The following AMER2 variants were observed in gnomAD, a reference collection of about 807,000 sequenced individuals.
AMER2 encodes family with sequence similarity 123A.
Under a neutral mutation model 4.7 loss-of-function variants are expected in AMER2, and 1 was observed. That is an observed-to-expected ratio of 0.21 (90% CI 0.07 to 1.00). AMER2 has a LOEUF of 1.00. Among genes scored for constraint, AMER2 ranks in the 50% least tolerant of loss-of-function variants. The probability of loss-of-function intolerance (pLI) is 0.60; values close to 1 mark genes in which losing one functional copy is unlikely to be tolerated. For missense variants in AMER2, 988 were observed against 966.9 expected, an observed-to-expected ratio of 1.02 and a Z score of -0.29; for synonymous variants, 485 against 433.3, an observed-to-expected ratio of 1.12 and a Z score of -1.48.
chr13:25,171,399 C>T lies in AMER2; in HGVS notation c.221G>A (p.Arg74Lys), dbSNP rs1348276482. 1.2e-6 allele frequency: 2 copies of T among 1,613,122 alleles called. No homozygotes were observed. The highest frequency in any genetic ancestry group is 1.6e-4 in the Middle Eastern group (1 of 6,076). Residue 74 changes from arginine (R) to lysine (K), a missense_variant, in exon 1 of 1, where the codon AGG becomes AAG. Arg to Lys is a conservative substitution (Grantham distance 26). Transcript: ENST00000515384. The surrounding 1 kb of genome is among the most constrained non-coding windows in gnomAD (Gnocchi z 5.9). Reference protein sequence around the residue: ...NKAAFKLFKKRKSGGTMPSIF... With the variant: ...NKAAFKLFKKKKSGGTMPSIF... ...GCTGGGCATGGTGCCACCCGATTTCCTCTTCTTGAATAATTTGAAGGCAGC... is the reference window on the plus strand; with the variant it reads ...GCTGGGCATGGTGCCACCCGATTTCTTCTTCTTGAATAATTTGAAGGCAGC...
In AMER2 at chr13:25,171,555, G is replaced by A; in HGVS notation, c.65C>T (p.Ser22Phe). The part of the protein sequence containing the change: ...AVSERGGAGA[S>F]VGVCRRKAEA... ...CGCCTTCCTCCTGCAGACCCCCACG[G>A]ACGCGCCAGCTCCGCCGCGCTCGCT... is the stretch of plus-strand genomic sequence containing the variant. Residue 22 changes from serine (S) to phenylalanine (F), a missense_variant, in exon 1 of 1, where the codon TCC becomes TTC. Coordinates refer to ENST00000515384, the MANE Select transcript of AMER2 (RefSeq NM_152704.4). The surrounding 1 kb of genome is among the most constrained non-coding windows in gnomAD (Gnocchi z 5.9). 1 of 1,574,090 alleles carries A rather than the reference G, an allele frequency of 6.4e-7. No individual in the cohort carries two copies. The highest frequency in any genetic ancestry group is 8.6e-7 in the Non-Finnish European group (1 of 1,168,396).
rs1203159816 is a variant in AMER2 at position 25,164,830 on chromosome 13, C to G, written c.*4774G>C. ...ATAGTGCCCTTCTTCAACTTCACAC[C>G]ACTTTGCTTCACCCCACAAACTATA... is the stretch of plus-strand genomic sequence containing the variant. On this transcript the variant is annotated 3_prime_UTR_variant, in exon 1 of 1. Coordinates refer to ENST00000515384, the MANE Select transcript of AMER2 (RefSeq NM_152704.4). 1 of 152,264 alleles carries G rather than the reference C, an allele frequency of 6.6e-6. No individual in the cohort carries two copies. The highest frequency in any genetic ancestry group is 3.4e-3 in the Middle Eastern group (1 of 294). The allele number at this position is 152,264 out of a possible 1,614,324, so 9.4% of individuals were successfully genotyped here.
At position 25,170,071 on chromosome 13, in the gene AMER2, C is replaced by T. The variant is rs1956535197; in HGVS notation, c.1549G>A (p.Val517Ile). The change falls in exon 1 of 1, where the codon GTC becomes ATC. Residue 517 changes from valine (V) to isoleucine (I), a missense_variant. Val to Ile is a conservative substitution (Grantham distance 29). Coordinates refer to ENST00000515384, the MANE Select transcript of AMER2 (RefSeq NM_152704.4). This position sits in a 1 kb window ranked among gnomAD's most constrained non-coding sequence, Gnocchi z 7.3. The part of the protein sequence containing the change: ...KHPEKEQQEG[V>I]PNSDEGYWDS... The stretch of plus-strand genomic sequence containing the variant: ...CAGTAGCCCTCGTCGCTGTTGGGGA[C>T]GCCTTCCTGCTGCTCCTTCTCCGGG... The T allele has an allele frequency of 6.2e-7, 1 of 1,613,958 alleles. No homozygotes were observed. The highest frequency in any genetic ancestry group is 1.6e-4 in the Middle Eastern group (1 of 6,062).
At position 25,168,400 on chromosome 13, in the gene AMER2, T is replaced by C. The variant is rs971659198; in HGVS notation, c.*1204A>G. ...ATTTTGCACTCATTATATTGAGGAA[T>C]GGTTGGATCTGAAATTTTACAATCA... On this transcript the variant is annotated 3_prime_UTR_variant, in exon 1 of 1. Transcript: ENST00000515384. 2.0e-5 allele frequency: 3 copies of C among 152,146 alleles called. No individual in the cohort carries two copies. Among genetic ancestry groups the C allele is most frequent in the Non-Finnish European group, 4.4e-5 (3 of 68,024 alleles). 9.4% of individuals were successfully genotyped at this position (152,146 alleles called of 1,614,324 possible).
rs2137428679 is a variant in AMER2, at chr13:25,163,229, A to G, written c.*6375T>C. On this transcript the variant is annotated 3_prime_UTR_variant, in exon 1 of 1. Transcript: ENST00000515384. ...GCACCATTGGTAAGTATGTAAACAG[A>G]TGCAACCACTGTGGAAAGCAGCACA... 1 of 152,386 alleles carries G rather than the reference A, an allele frequency of 6.6e-6. No homozygotes were observed. The highest frequency in any genetic ancestry group is 1.9e-4 in the East Asian group (1 of 5,192). 9.4% of individuals were successfully genotyped at this position (152,386 alleles called of 1,614,324 possible).
Position 25,171,061 on chromosome 13 carries a change from C to A in AMER2, c.559G>T (p.Gly187Cys), listed in dbSNP as rs771743844. The A allele has an allele frequency of 1.3e-6, 2 of 1,577,750 alleles. No individual in the cohort carries two copies. The highest frequency in any genetic ancestry group is 2.8e-5 in the African/African-American group (2 of 71,424). ...KGEPVDASKA[G>C]GKQKRGLRGL... Reference sequence around the variant, plus strand: ...CGCAGCCCCCGCTTTTGTTTGCCGCCGGCCTTGCTCGCGTCCACAGGCTCT... The same window carrying A: ...CGCAGCCCCCGCTTTTGTTTGCCGCAGGCCTTGCTCGCGTCCACAGGCTCT... The change falls in exon 1 of 1, where the codon GGC becomes TGC. Residue 187 changes from glycine (G) to cysteine (C), a missense_variant. By Grantham distance (159) the Gly-to-Cys change is radical. Coordinates refer to ENST00000515384, the MANE Select transcript of AMER2 (RefSeq NM_152704.4). The surrounding 1 kb of genome is among the most constrained non-coding windows in gnomAD (Gnocchi z 5.9).
Position 25,168,428 on chromosome 13 carries a change from G to T in AMER2, c.*1176C>A, listed in dbSNP as rs890839438. 6.6e-6 allele frequency: 1 copy of T among 151,612 alleles called. No homozygotes were observed. The highest frequency in any genetic ancestry group is 2.4e-5 in the African/African-American group (1 of 41,244). The allele number at this position is 151,612 out of a possible 1,614,324, so 9.4% of individuals were successfully genotyped here. ...TTGGATCTGAAATTTTACAATCAAG[G>T]TAAAAAAAAATCTGAAAACAGGGTT... On this transcript the variant is annotated 3_prime_UTR_variant, in exon 1 of 1. Coordinates refer to ENST00000515384, the MANE Select transcript of AMER2 (RefSeq NM_152704.4).
Position 25,171,308 on chromosome 13 carries a change from C to G in AMER2, c.312G>C (p.Arg104Ser). The change falls in exon 1 of 1, where the codon AGG becomes AGC. Residue 104 changes from arginine to serine, a missense_variant. By Grantham distance (110) the Arg-to-Ser change is moderately radical. Coordinates refer to ENST00000515384, the MANE Select transcript of AMER2 (RefSeq NM_152704.4). This position sits in a 1 kb window ranked among gnomAD's most constrained non-coding sequence, Gnocchi z 5.9. ...SSGPTGLVRS[R>S]THDGLAEVLV... ...GCACCTCGGCAAGTCCGTCGTGGGT[C>G]CTGCTCCTCACCAGCCCCGTCGGAC... The G allele has an allele frequency of 6.2e-7, 1 of 1,604,328 alleles. No homozygotes were observed. Among genetic ancestry groups the G allele is most frequent in the South Asian group, 1.1e-5 (1 of 89,296 alleles).
rs761781237 is a variant in AMER2 at position 25,171,503 on chromosome 13, G to C, written c.117C>G (p.Leu39=). The change falls in exon 1 of 1, where the codon CTC becomes CTG. Residue 39 remains leucine, a synonymous_variant. Coordinates refer to ENST00000515384, the MANE Select transcript of AMER2 (RefSeq NM_152704.4). The surrounding 1 kb of genome is among the most constrained non-coding windows in gnomAD (Gnocchi z 5.9). ...KAEAGAGTGT[L]AADMDLHCDC... ...CACAATGCAAGTCCATGTCTGCCGCGAGGGTCCCGGTCCCGGCCCCGGCCT... is the reference window on the plus strand; with the variant it reads ...CACAATGCAAGTCCATGTCTGCCGCCAGGGTCCCGGTCCCGGCCCCGGCCT... The C allele has an allele frequency of 6.9e-6, 11 of 1,603,802 alleles. No homozygotes were observed. In the Admixed American group the frequency reaches 1.7e-4, roughly 25 times the overall value.
In AMER2 at chr13:25,169,363, G is replaced by A. The variant is rs548725531; in HGVS notation, c.*241C>T. ...AAAGGTAAAAAAGAAAAAAGTGCTT[G>A]AAAATAATTCTCAGGGACTTATCTT... On this transcript the variant is annotated 3_prime_UTR_variant, in exon 1 of 1. Transcript: ENST00000515384. The surrounding 1 kb of genome is among the most constrained non-coding windows in gnomAD (Gnocchi z 4.2). The A allele has an allele frequency of 8.2e-4, 344 of 421,040 alleles. 1 individual carries two copies. The highest frequency in any genetic ancestry group is 1.3e-3 in the Non-Finnish European group (307 of 245,090). 26.1% of individuals were successfully genotyped at this position (421,040 alleles called of 1,614,324 possible). A position where few individuals can be genotyped will look rare whatever the true frequency, so the allele number is the denominator to read the frequency against.
At position 25,169,113 on chromosome 13, in the gene AMER2, T is replaced by G. The variant is rs906615995; in HGVS notation, c.*491A>C. 5.9e-5 allele frequency: 9 copies of G among 152,830 alleles called. No individual in the cohort carries two copies. The highest frequency in any genetic ancestry group is 4.2e-4 in the South Asian group (2 of 4,814). 9.5% of individuals were successfully genotyped at this position (152,830 alleles called of 1,614,324 possible). A position where few individuals can be genotyped will look rare whatever the true frequency, so the allele number is the denominator to read the frequency against. On this transcript the variant is annotated 3_prime_UTR_variant, in exon 1 of 1. Coordinates refer to ENST00000515384, the MANE Select transcript of AMER2 (RefSeq NM_152704.4). This position sits in a 1 kb window ranked among gnomAD's most constrained non-coding sequence, Gnocchi z 4.2. ...GGGTTTTGTTTTTGTTTTTGTTTTTTTTTAACTGGAAAGGAAAGAGGAAAG... is the reference window on the plus strand; with the variant it reads ...GGGTTTTGTTTTTGTTTTTGTTTTTGTTTAACTGGAAAGGAAAGAGGAAAG...
chr13:25,170,796 C>T lies in AMER2; in HGVS notation c.824G>A (p.Arg275His), dbSNP rs1956553812. ...GGEEVPAPAD[R>H]APARSCREAE... ...CTCTCGGCAGCTCCGCGCTGGGGCGCGGTCGGCGGGGGCGGGCACCTCCTC... is the reference window on the plus strand; with the variant it reads ...CTCTCGGCAGCTCCGCGCTGGGGCGTGGTCGGCGGGGGCGGGCACCTCCTC... The change falls in exon 1 of 1, where the codon CGC becomes CAC. Residue 275 changes from arginine to histidine, a missense_variant. Coordinates refer to ENST00000515384, the MANE Select transcript of AMER2 (RefSeq NM_152704.4). This position sits in a 1 kb window ranked among gnomAD's most constrained non-coding sequence, Gnocchi z 7.3. 1.5e-6 allele frequency: 2 copies of T among 1,366,020 alleles called. No individual in the cohort carries two copies. The highest frequency in any genetic ancestry group is 1.9e-6 in the Non-Finnish European group (2 of 1,068,552). 84.6% of individuals were successfully genotyped at this position (1,366,020 alleles called of 1,614,324 possible).
At position 25,170,169 on chromosome 13, in the gene AMER2, T is replaced by C. The variant is rs1956538083; in HGVS notation, c.1451A>G (p.Asp484Gly). The C allele has an allele frequency of 5.0e-6, 8 of 1,613,650 alleles. No individual in the cohort carries two copies. The East Asian group carries it at 1.8e-4, about 36-fold the overall frequency. The change falls in exon 1 of 1, where the codon GAC becomes GGC. Residue 484 changes from aspartate (D) to glycine (G), a missense_variant. Coordinates refer to ENST00000515384, the MANE Select transcript of AMER2 (RefSeq NM_152704.4). This position sits in a 1 kb window ranked among gnomAD's most constrained non-coding sequence, Gnocchi z 7.3. Reference protein sequence around the residue: ...KDTRCVEAAKDASSVKRRRLN... With the variant: ...KDTRCVEAAKGASSVKRRRLN... Reference sequence around the variant, plus strand: ...CCTCCTGCGCTTGACCGAGGACGCGTCCTTGGCCGCTTCCACACACCTGGT... The same window carrying C: ...CCTCCTGCGCTTGACCGAGGACGCGCCCTTGGCCGCTTCCACACACCTGGT...
chr13:25,166,416 G>C lies in AMER2; in HGVS notation c.*3188C>G, dbSNP rs1254969983. The C allele has an allele frequency of 2.6e-5, 4 of 152,128 alleles. No homozygotes were observed. The highest frequency in any genetic ancestry group is 2.6e-4 in the Admixed American group (4 of 15,268). The allele number at this position is 152,128 out of a possible 1,614,324, so 9.4% of individuals were successfully genotyped here. ...AATTGGTGCTAATGGCAGGATAAAC[G>C]CATCAACCACCATCTGTACTAAAGC... On this transcript the variant is annotated 3_prime_UTR_variant, in exon 1 of 1. Coordinates refer to ENST00000515384, the MANE Select transcript of AMER2 (RefSeq NM_152704.4).
chr13:25,171,872 G>T lies in AMER2; in HGVS notation c.-253C>A. 1 of 583,062 alleles carries T rather than the reference G, an allele frequency of 1.7e-6. No individual in the cohort carries two copies. The highest frequency in any genetic ancestry group is 2.6e-6 in the Non-Finnish European group (1 of 390,312). 36.1% of individuals were successfully genotyped at this position (583,062 alleles called of 1,614,324 possible). On this transcript the variant is annotated 5_prime_UTR_variant, in exon 1 of 1. Transcript: ENST00000515384. The surrounding 1 kb of genome is among the most constrained non-coding windows in gnomAD (Gnocchi z 5.9). ...CCGCGAGCTGATTGCAGAAATTCGA[G>T]TCGTAATTATGGAATTCAAATTCCC...
At position 25,165,469 on chromosome 13, in the gene AMER2, A is replaced by C. The variant is rs965518989; in HGVS notation, c.*4135T>G. The C allele has an allele frequency of 8.5e-5, 13 of 152,354 alleles. No individual in the cohort carries two copies. Among genetic ancestry groups the C allele is most frequent in the African/African-American group, 2.4e-4 (10 of 41,580 alleles). 9.4% of individuals were successfully genotyped at this position (152,354 alleles called of 1,614,324 possible). On this transcript the variant is annotated 3_prime_UTR_variant, in exon 1 of 1. Coordinates refer to ENST00000515384, the MANE Select transcript of AMER2 (RefSeq NM_152704.4). ...CCCTTTGGTTCCAAACTGCTTCATA[A>C]ATATTTTTGTGTGTAATGAATTGAA...
In AMER2 at chr13:25,171,329, C is replaced by G; in HGVS notation, c.291G>C (p.Pro97=). 6.2e-7 allele frequency: 1 copy of G among 1,609,024 alleles called. No individual in the cohort carries two copies. The change falls in exon 1 of 1, where the codon CCG becomes CCC. Residue 97 remains proline, a synonymous_variant. Coordinates refer to ENST00000515384, the MANE Select transcript of AMER2 (RefSeq NM_152704.4). The surrounding 1 kb of genome is among the most constrained non-coding windows in gnomAD (Gnocchi z 5.9). ...GGGTCCTGCTCCTCACCAGCCCCGTCGGACCCGAGCTTTTCCCGTCCCCTT... is the reference window on the plus strand; with the variant it reads ...GGGTCCTGCTCCTCACCAGCCCCGTGGGACCCGAGCTTTTCCCGTCCCCTT... ...KNKGDGKSSG[P]TGLVRSRTHD...
In AMER2 at chr13:25,168,393, T is replaced by C. The variant is rs1419877959; in HGVS notation, c.*1211A>G. On this transcript the variant is annotated 3_prime_UTR_variant, in exon 1 of 1. Transcript: ENST00000515384. ...GTTCCTCATTTTGCACTCATTATATTGAGGAATGGTTGGATCTGAAATTTT... is the reference window on the plus strand; with the variant it reads ...GTTCCTCATTTTGCACTCATTATATCGAGGAATGGTTGGATCTGAAATTTT... The C allele has an allele frequency of 6.6e-6, 1 of 152,156 alleles. No homozygotes were observed. Among genetic ancestry groups the C allele is most frequent in the Non-Finnish European group, 1.5e-5 (1 of 68,028 alleles). The allele number at this position is 152,156 out of a possible 1,614,324, so 9.4% of individuals were successfully genotyped here.
Position 25,164,301 on chromosome 13 carries a change from A to G in AMER2, c.*5303T>C, listed in dbSNP as rs370369937. The G allele has an allele frequency of 1.1e-4, 16 of 152,220 alleles. No homozygotes were observed. The highest frequency in any genetic ancestry group is 3.9e-4 in the East Asian group (2 of 5,184). The allele number at this position is 152,220 out of a possible 1,614,324, so 9.4% of individuals were successfully genotyped here. On this transcript the variant is annotated 3_prime_UTR_variant, in exon 1 of 1. Transcript: ENST00000515384. ...GAAGAAGTATCGCCATGACAACAGA[A>G]GAGATTTCTGTCTGTACTTCCCACA...
Sources: allele counts gnomAD v4.1 joint callset, GRCh38; gene constraint gnomAD v4.1.1; non-coding constraint Gnocchi (gnomAD v3.1); transcripts MANE v1.5; gene names NCBI Gene and HGNC (gene_info 2026-07-23, HGNC 2026-07-21).